ST6GALNAC2: variants seen among roughly 807,000 people sequenced by gnomAD.
ST6GALNAC2 encodes ST6 N-acetylgalactosaminide alpha-2,6-sialyltransferase 2, also known as alpha-N-acetylgalactosaminide alpha-2,6-sialyltransferase 2.
ST6GALNAC2 carries 42 observed loss-of-function variants against 38.7 expected under a neutral mutation model. The observed-to-expected ratio is 1.09, with a 90% CI of 0.85 to 1.40. The LOEUF is 1.40. Ranked by LOEUF, ST6GALNAC2 falls within the 40% of genes most tolerant of loss-of-function variation. ST6GALNAC2 has a pLI of 0.00. For synonymous variants in ST6GALNAC2, 233 were observed against 209.0 expected (o/e 1.11, Z -0.99); for missense variants, 506 against 481.7 (o/e 1.05, Z -0.47).
chr17:76,574,150 G>A (rs575012556), intron 3 of ST6GALNAC2, among the ~76,000 whole-genome samples: 1 of 152,144 alleles, frequency 6.6e-6, no homozygotes, highest in Non-Finnish European at 1.5e-5. Context: ...GCCCACTGGC[G>A]GGGGCAGCCC....
At chr17:76,566,918 G>A (rs1049035390) in intron 8 of ST6GALNAC2, among the ~76,000 whole-genome samples, 1 of 152,086 alleles carries the variant, frequency 6.6e-6, no homozygotes, top group Non-Finnish European at 1.5e-5. Flanking sequence ...CATGGGTCAC[G>A]GCCTCTCCTT....
intron 7 of ST6GALNAC2, 168 bp from the exon 8 acceptor site, chr17:76,567,720 G>A: frequency 1.8e-6 from 1 of 555,064 alleles, no homozygotes; most frequent in East Asian, 3.0e-5. Flanking sequence ...TGAGACCTTA[G>A]GTAAGGTTGG....
intron 1 of ST6GALNAC2, among the ~76,000 whole-genome samples, chr17:76,580,386 C>T (rs1234728721): frequency 6.6e-5 from 10 of 151,962 alleles, no homozygotes; most frequent in African/African-American, 2.2e-4. Context: ...CCACTGCATT[C>T]CAGCCTGGGT....
chr17:76,585,613 C>T (rs947078264), intron 1 of ST6GALNAC2, 71 bp downstream of exon 1: 4 of 1,429,426 alleles, frequency 2.8e-6, no homozygotes, highest in Non-Finnish European at 3.6e-6. Context: ...GCCGGGGAGC[C>T]CTGGGCTGGG....
chr17:76,577,792 C>T lies in ST6GALNAC2; in HGVS notation c.186+964G>A, dbSNP rs567411678. Reference sequence around the variant, plus strand: ...TTCACTGTGTTGCCCAGGCTGGTCTCGAACTCCTGAACTCAGGCAATCTGC... The same window carrying T: ...TTCACTGTGTTGCCCAGGCTGGTCTTGAACTCCTGAACTCAGGCAATCTGC... On this transcript the variant is annotated intron_variant, in intron 2 of 8. Coordinates refer to ENST00000225276, the MANE Select transcript of ST6GALNAC2 (RefSeq NM_006456.3). 2.4e-4 allele frequency among the ~76,000 whole-genome samples: 36 copies of T among 151,802 alleles called. 1 individual carries two copies. The highest frequency in any genetic ancestry group is 1.6e-3 in the East Asian group (8 of 5,112).
At chr17:76,569,033 G>C in intron 6 of ST6GALNAC2, 1 of 125,786 alleles carries the variant, frequency 8.0e-6, no homozygotes, top group Non-Finnish European at 1.6e-5. Flanking sequence ...GAGGAGGGGG[G>C]CATGAACAGA....
chr17:76,584,607 G>A (rs2075521661), intron 1 of ST6GALNAC2, among the ~76,000 whole-genome samples: 1 of 152,206 alleles, frequency 6.6e-6, no homozygotes, highest in Non-Finnish European at 1.5e-5. Context: ...CTCCCAGAGT[G>A]CTGGGACTAC....
chr17:76,567,357 G>A (rs184762808), intron 8 of ST6GALNAC2, 96 bp downstream of exon 8: 2 of 871,436 alleles, frequency 2.3e-6, no homozygotes, highest in Non-Finnish European at 3.8e-6. Context: ...GAGGCCAAGA[G>A]TCCCAGCTCC....
At chr17:76,582,806 A>G (rs538296941) in intron 1 of ST6GALNAC2, among the ~76,000 whole-genome samples, 1 of 152,266 alleles carries the variant, frequency 6.6e-6, no homozygotes, top group South Asian at 2.1e-4. Flanking sequence ...GGCTCTGCCC[A>G]GAATGCCGTC....
In ST6GALNAC2 at chr17:76,566,203, C is replaced by A; in HGVS notation, c.1026G>T (p.Met342Ile). Reference sequence around the variant, plus strand: ...GGTTTGCATAAAATATCAATGGCTTCATTTTTCGTTCGAAATAGTGGTCGG... The same window carrying A: ...GGTTTGCATAAAATATCAATGGCTTAATTTTTCGTTCGAAATAGTGGTCGG... ...KFSDHYFERK[M>I]KPLIFYANHD... Residue 342 changes from methionine to isoleucine, a missense_variant, in exon 9 of 9, where the codon ATG (methionine) becomes ATT (isoleucine). Met to Ile is a conservative substitution (Grantham distance 10, BLOSUM62 1). Coordinates refer to ENST00000225276, the MANE Select transcript of ST6GALNAC2 (RefSeq NM_006456.3). 1 of 1,614,150 alleles carries A rather than the reference C, an allele frequency of 6.2e-7. No individual in the cohort carries two copies. Among genetic ancestry groups the A allele is most frequent in the Non-Finnish European group, 8.5e-7 (1 of 1,180,042 alleles).
At chr17:76,579,095 T>C (rs2075448530) in intron 1 of ST6GALNAC2, 2 of 233,824 alleles carry the variant, frequency 8.6e-6, no homozygotes, top group Non-Finnish European at 1.7e-5. Flanking sequence ...AATTTTGTAT[T>C]TTTAGTAGAG....
In ST6GALNAC2 at chr17:76,574,506, T is replaced by C. The variant is rs2075391127; in HGVS notation, c.220A>G (p.Ile74Val). The part of the protein sequence containing the change: ...QACRHLLHLA[I>V]QRHPHFRGLF... Reference sequence around the variant, plus strand: ...CCACGGAAGTGGGGGTGCCGCTGAATGGCCAGGTGAAGCAGGTGTCGGCAG... The same window carrying C: ...CCACGGAAGTGGGGGTGCCGCTGAACGGCCAGGTGAAGCAGGTGTCGGCAG... Residue 74 changes from isoleucine to valine, a missense_variant, in exon 3 of 9, where the codon ATT becomes GTT. Physicochemically the swap from Ile to Val is conservative, Grantham distance 29. Coordinates refer to ENST00000225276, the MANE Select transcript of ST6GALNAC2 (RefSeq NM_006456.3). The C allele has an allele frequency of 3.6e-6, 5 of 1,400,698 alleles. No individual in the cohort carries two copies. Among genetic ancestry groups the C allele is most frequent in the Non-Finnish European group, 4.8e-6 (5 of 1,046,540 alleles). 86.8% of individuals were successfully genotyped at this position (1,400,698 alleles called of 1,614,324 possible).
chr17:76,565,775 T>C lies in ST6GALNAC2; in HGVS notation c.*329A>G, dbSNP rs73996621. On this transcript the variant is annotated 3_prime_UTR_variant, in exon 9 of 9. Coordinates refer to ENST00000225276, the MANE Select transcript of ST6GALNAC2 (RefSeq NM_006456.3). ...AGGAGGATTTGGGCTGGAGCGTGTGTGTTTGCCTTTGACCTGGACTGCTGT... is the reference window on the plus strand; with the variant it reads ...AGGAGGATTTGGGCTGGAGCGTGTGCGTTTGCCTTTGACCTGGACTGCTGT... The C allele has an allele frequency of 4.9e-3, 1,136 of 233,292 alleles. 11 individuals are homozygous for C. The highest frequency in any genetic ancestry group is 0.024 in the African/African-American group (1,056 of 43,652). The allele number at this position is 233,292 out of a possible 1,614,324, so 14.5% of individuals were successfully genotyped here.
intron 2 of ST6GALNAC2, among the ~76,000 whole-genome samples, chr17:76,575,880 C>T (rs1417591932): frequency 1.3e-5 from 2 of 152,226 alleles, no homozygotes; most frequent in African/African-American, 2.4e-5. Flanking sequence ...AATAGCTGTA[C>T]AGTAATTTCT....
chr17:76,565,892 T>C lies in ST6GALNAC2; in HGVS notation c.*212A>G, dbSNP rs1205445422. ...CATTTTCCCTTGGCCAAGATTGAGA[T>C]GTATTGTTTTAGATACAGAAGAGTT... is the stretch of plus-strand genomic sequence containing the variant. On this transcript the variant is annotated 3_prime_UTR_variant, in exon 9 of 9. Coordinates refer to ENST00000225276, the MANE Select transcript of ST6GALNAC2 (RefSeq NM_006456.3). 2.0e-6 allele frequency: 1 copy of C among 511,906 alleles called. No individual in the cohort carries two copies. The highest frequency in any genetic ancestry group is 3.6e-5 in the Admixed American group (1 of 27,528). The allele number at this position is 511,906 out of a possible 1,614,324, so 31.7% of individuals were successfully genotyped here. A position where few individuals can be genotyped will look rare whatever the true frequency, so the allele number is the denominator to read the frequency against.
intron 2 of ST6GALNAC2, among the ~76,000 whole-genome samples, chr17:76,575,220 AC>A (rs2075402203): frequency 6.6e-6 from 1 of 152,006 alleles, no homozygotes; most frequent in African/African-American, 2.4e-5. Flanking sequence ...TGGATGCAAA[AC>A]CCTAACCCTA....
Position 76,573,253 on chromosome 17 carries a change from C to A in ST6GALNAC2, c.472G>T (p.Gly158Cys). 2 of 1,613,192 alleles carry A rather than the reference C, an allele frequency of 1.2e-6. No homozygotes were observed. Among genetic ancestry groups the A allele is most frequent in the Non-Finnish European group, 1.7e-6 (2 of 1,179,696 alleles). ...CIRCAVVGNGGILNGSRQGPN... is the reference protein window; with the variant it reads ...CIRCAVVGNGCILNGSRQGPN... Reference sequence around the variant, plus strand: ...CCCTGGCGGGACCCATTCAGAATGCCTCCGTTGCCCACCACGGCACACCGG... The same window carrying A: ...CCCTGGCGGGACCCATTCAGAATGCATCCGTTGCCCACCACGGCACACCGG... Residue 158 changes from glycine to cysteine, a missense_variant, in exon 4 of 9, where the codon GGC becomes TGC. Physicochemically the swap from Gly to Cys is radical, Grantham distance 159. Transcript: ENST00000225276. The surrounding 1 kb of genome is among the most constrained non-coding windows in gnomAD (Gnocchi z 5.1).
rs2075280140 is a variant in ST6GALNAC2, at chr17:76,566,233, T to C, written c.996A>G (p.Lys332=). The C allele has an allele frequency of 2.5e-6, 4 of 1,613,968 alleles. No individual in the cohort carries two copies. The highest frequency in any genetic ancestry group is 1.7e-5 in the Admixed American group (1 of 59,996). ...AYGFITSNYW[K]FSDHYFERKM... ...TTCGTTCGAAATAGTGGTCGGAAAATTTCCAGTAGTTGCTTGTGATGAATC... is the reference window on the plus strand; with the variant it reads ...TTCGTTCGAAATAGTGGTCGGAAAACTTCCAGTAGTTGCTTGTGATGAATC... Residue 332 remains lysine, a synonymous_variant, in exon 9 of 9, where the codon AAA becomes AAG. Coordinates refer to ENST00000225276, the MANE Select transcript of ST6GALNAC2 (RefSeq NM_006456.3).
At chr17:76,569,029 G>A (rs1340608794) in intron 6 of ST6GALNAC2, 12 of 346,478 alleles carry the variant, frequency 3.5e-5, no homozygotes, top group Non-Finnish European at 5.7e-5. Flanking sequence ...GAGAGAGGAG[G>A]GGGGCATGAA....
Sources: allele counts gnomAD v4.1 joint callset (sites outside exome capture counted in the v4.1 genomes callset), GRCh38; gene constraint gnomAD v4.1.1; non-coding constraint Gnocchi (gnomAD v3.1); transcripts MANE v1.5; gene names NCBI Gene and HGNC (gene_info 2026-07-23, HGNC 2026-07-21).